AATK: variants seen among roughly 807,000 people sequenced by gnomAD.
The protein encoded by AATK is serine/threonine-protein kinase LMTK1.
In AATK, 91 loss-of-function variants were observed where a neutral mutation model predicts 114.3. The ratio of observed to expected loss-of-function variants is 0.80; its 90% CI spans 0.67 to 0.95. The LOEUF (loss-of-function observed/expected upper bound fraction) is 0.95. AATK is among the 40% of genes least tolerant of loss of function. AATK has a pLI of 0.00. For synonymous variants in AATK, 1,075 were observed against 916.5 expected, an observed-to-expected ratio of 1.17 and a Z score of -3.12; for missense variants, 2,176 against 1,965.2, an observed-to-expected ratio of 1.11 and a Z score of -2.03.
intron 1 of AATK, among the ~76,000 whole-genome samples, chr17:81,143,406 G>A (rs1458159932): frequency 6.6e-6 from 1 of 152,046 alleles, no homozygotes; most frequent in Non-Finnish European, 1.5e-5. Flanking sequence ...TTCTGTGTTG[G>A]GTCCAAATGC....
At position 81,126,284 on chromosome 17, in the gene AATK, T is replaced by C. The variant is rs1015852205; in HGVS notation, c.755+143A>G. The C allele has an allele frequency of 7.2e-5, 80 of 1,108,550 alleles. No homozygotes were observed. Among genetic ancestry groups the C allele is most frequent in the Middle Eastern group, 6.1e-4 (2 of 3,282 alleles). The allele number at this position is 1,108,550 out of a possible 1,614,324, so 68.7% of individuals were successfully genotyped here. ...TTTCAAAAACGTCATAAAATCCCTC[T>C]GCATAGTGGTTGTCTGATGCTGCAT... is the stretch of plus-strand genomic sequence containing the variant. On this transcript the variant is annotated intron_variant, in intron 7 of 13. Transcript: ENST00000326724. The surrounding 1 kb of genome is among the most constrained non-coding windows in gnomAD (Gnocchi z 5.1).
chr17:81,131,416 C>T (rs939026772), intron 2 of AATK, among the ~76,000 whole-genome samples: 2 of 152,340 alleles, frequency 1.3e-5, no homozygotes, highest in South Asian at 4.1e-4. Context: ...CTGACCCCCA[C>T]GCCCCCGACC....
In AATK at chr17:81,125,485, G is replaced by A. The variant is rs965262534; in HGVS notation, c.756-471C>T. The A allele has an allele frequency of 2.8e-5, 10 of 360,928 alleles. No homozygotes were observed. The East Asian group carries it at 5.4e-4, about 20-fold the overall frequency. 22.4% of individuals were successfully genotyped at this position (360,928 alleles called of 1,614,324 possible). On this transcript the variant is annotated intron_variant, in intron 7 of 13. Transcript: ENST00000326724. The stretch of plus-strand genomic sequence containing the variant: ...CAGTTTTAGGGTCCAGCCCTGCCAT[G>A]CCCACTCAGAGCTGGAGCTCACTCT...
intron 1 of AATK, chr17:81,165,531 G>T: frequency 1.2e-6 from 1 of 802,000 alleles, no homozygotes; most frequent in Non-Finnish European, 1.8e-6. Context: ...CTGGGAAGAA[G>T]CCTCCCACGC....
rs1490368392 is a variant in AATK, at chr17:81,121,019, G to A, written c.2917C>T (p.Pro973Ser). 6.2e-7 allele frequency: 1 copy of A among 1,610,160 alleles called. No homozygotes were observed. Among genetic ancestry groups the A allele is most frequent in the African/African-American group, 1.3e-5 (1 of 74,890 alleles). ...FAELASEGEG[P>S]GPETRLSTSL... ...GTGGAGAGCCGTGTCTCGGGCCCGG[G>A]GCCCTCACCCTCTGAGGCCAGCTCC... Residue 973 changes from proline (P) to serine (S), a missense_variant, in exon 11 of 14, where the codon CCC becomes TCC. Physicochemically the swap from Pro to Ser is moderately conservative, Grantham distance 74 (BLOSUM62 -1). This residue lies in a region of AATK where 1,701 missense variants were observed against 1,394.7 expected (regional missense o/e 1.22). Transcript: ENST00000326724.
At position 81,124,752 on chromosome 17, in the gene AATK, C is replaced by G; in HGVS notation, c.937G>C (p.Asp313His). 6.2e-7 allele frequency: 1 copy of G among 1,612,892 alleles called. No homozygotes were observed. The highest frequency in any genetic ancestry group is 8.5e-7 in the Non-Finnish European group (1 of 1,179,808). ...CACACATTCCCGCTCTTGGTCTGGT[C>G]CACGACGAGCAGGTTGCTATGCACC... is the stretch of plus-strand genomic sequence containing the variant. ...DEVHSNLLVV[D>H]QTKSGNVWSL... The change falls in exon 9 of 14, where the codon GAC (aspartate) becomes CAC (histidine). Residue 313 changes from aspartate (D) to histidine (H), a missense_variant. Physicochemically the swap from Asp to His is moderately conservative, Grantham distance 81. Coordinates refer to ENST00000326724, the MANE Select transcript of AATK (RefSeq NM_001080395.3).
At chr17:81,133,202 G>A (rs1400058325) in intron 2 of AATK, 2 of 490,052 alleles carry the variant, frequency 4.1e-6, no homozygotes, top group East Asian at 5.8e-5. Flanking sequence ...TGGGGCCTGT[G>A]GCCACTTCAG....
At position 81,142,455 on chromosome 17, in the gene AATK, T is replaced by C. The variant is rs111506299; in HGVS notation, c.56-7954A>G. On this transcript the variant is annotated intron_variant, in intron 1 of 13. Transcript: ENST00000326724. The stretch of plus-strand genomic sequence containing the variant: ...ACCCGCTAATTTTTACATTTTTTTG[T>C]AGAGACAGGTCTCACTATGTTGTCC... Among the ~76,000 whole-genome samples the C allele has an allele frequency of 3.9e-3, 591 of 151,532 alleles. 4 individuals carry two copies. Among genetic ancestry groups the C allele is most frequent in the South Asian group, 0.012 (59 of 4,804 alleles).
At chr17:81,131,231 G>A in intron 2 of AATK, 26 bp from the exon 3 acceptor site, 1 of 1,553,662 alleles carries the variant, frequency 6.4e-7, no homozygotes, top group Non-Finnish European at 8.7e-7. Flanking sequence ...GGCATGAGCG[G>A]GGCTTCTCGC....
chr17:81,137,773 A>G (rs1167829074), intron 1 of AATK, among the ~76,000 whole-genome samples: 1 of 151,990 alleles, frequency 6.6e-6, no homozygotes, highest in African/African-American at 2.4e-5. Flanking sequence ...CATACGTGTG[A>G]CCATGTGCAC....
In AATK at chr17:81,120,048, C is replaced by T. The variant is rs1039521500; in HGVS notation, c.3771G>A (p.Pro1257=). The T allele has an allele frequency of 1.5e-5, 22 of 1,456,002 alleles. No homozygotes were observed. The highest frequency in any genetic ancestry group is 9.6e-5 in the South Asian group (7 of 73,062). The allele number at this position is 1,456,002 out of a possible 1,614,324, so 90.2% of individuals were successfully genotyped here. A position where few individuals can be genotyped will look rare whatever the true frequency, so the allele number is the denominator to read the frequency against. Residue 1257 remains proline, a synonymous_variant, in exon 12 of 14, where the codon CCG becomes CCA. Coordinates refer to ENST00000326724, the MANE Select transcript of AATK (RefSeq NM_001080395.3). The part of the protein sequence containing the change: ...SPTRELGEPF[P]GAKESPPTFL... ...ACGTAGGGGGCGATTCCTTGGCGCC[C>T]GGGAAGGGCTCCCCGAGCTCCCGGG...
At chr17:81,153,812 T>G (rs1468854566) in intron 1 of AATK, among the ~76,000 whole-genome samples, 6 of 152,166 alleles carry the variant, frequency 3.9e-5, no homozygotes, top group African/African-American at 1.4e-4. Context: ...AGCTCACGCC[T>G]GTAATCCCAG....
rs898167631 is a variant in AATK, at chr17:81,166,110, C to T, written c.-118G>A. 389 of 464,072 alleles carry T rather than the reference C, an allele frequency of 8.4e-4. 5 individuals are homozygous for T. In the South Asian group the frequency reaches 0.028, roughly 33 times the overall value. The allele number at this position is 464,072 out of a possible 1,614,324, so 28.7% of individuals were successfully genotyped here. On this transcript the variant is annotated 5_prime_UTR_variant, in exon 1 of 14. Transcript: ENST00000326724. ...CCGCAGGTGCGGAGCGCGCCGGCCCCCGCGCCCCGCGCCCCCCGCCGCAGC... is the reference window on the plus strand; with the variant it reads ...CCGCAGGTGCGGAGCGCGCCGGCCCTCGCGCCCCGCGCCCCCCGCCGCAGC...
chr17:81,127,718 G>A (rs749137894), intron 5 of AATK, 48 bp from the exon 6 acceptor site: 2 of 1,542,226 alleles, frequency 1.3e-6, no homozygotes, highest in South Asian at 1.2e-5. Context: ...GGTGGGGAGG[G>A]GGAGTCGGGC....
chr17:81,162,382 C>T (rs757376424), intron 1 of AATK, among the ~76,000 whole-genome samples: 2 of 152,168 alleles, frequency 1.3e-5, no homozygotes, highest in Non-Finnish European at 2.9e-5. Flanking sequence ...CAGGTAACTC[C>T]TCCCAGGGCA....
At chr17:81,125,503 C>T in intron 7 of AATK, 1 of 350,724 alleles carries the variant, frequency 2.9e-6, no homozygotes, top group Non-Finnish European at 5.8e-6. Flanking sequence ...AGAGCTGGAG[C>T]TCACTCTCAC....
chr17:81,162,369 G>A (rs1183778329), intron 1 of AATK, among the ~76,000 whole-genome samples: 1 of 152,160 alleles, frequency 6.6e-6, no homozygotes, highest in African/African-American at 2.4e-5. Context: ...GGCGAGAGGA[G>A]GACAGGTAAC....
rs760043961 is a variant in AATK at position 81,127,789 on chromosome 17, C to T, written c.533+3G>A. ...CAGGCCTTTGTGCCCGGTGGCCTCC[C>T]ACCTGTAGGGCTGCACCTCCTCCAG... is the stretch of plus-strand genomic sequence containing the variant. On this transcript the variant is annotated splice_donor_region_variant and intron_variant, in intron 5 of 13. Coordinates refer to ENST00000326724, the MANE Select transcript of AATK (RefSeq NM_001080395.3). 2.6e-6 allele frequency: 4 copies of T among 1,514,596 alleles called. No homozygotes were observed. Among genetic ancestry groups the T allele is most frequent in the East Asian group, 2.5e-5 (1 of 40,746 alleles). 93.8% of individuals were successfully genotyped at this position (1,514,596 alleles called of 1,614,324 possible).
chr17:81,118,936 G>A (rs1568215095), intron 13 of AATK, among the ~76,000 whole-genome samples: 3 of 152,210 alleles, frequency 2.0e-5, no homozygotes, highest in African/African-American at 7.2e-5. Flanking sequence ...CCAGCCTGGG[G>A]TGGGGCGGAT....
Sources: allele counts gnomAD v4.1 joint callset (sites outside exome capture counted in the v4.1 genomes callset), GRCh38; gene constraint gnomAD v4.1.1; regional missense constraint gnomAD v4.1.1; non-coding constraint Gnocchi (gnomAD v3.1); transcripts MANE v1.5; gene names NCBI Gene and HGNC (gene_info 2026-07-23, HGNC 2026-07-21).